The following PHF10 variants were observed in gnomAD, a reference collection of about 807,000 sequenced individuals.
PHF10 encodes the protein BRG1-associated factor 45a.
In PHF10, 51 loss-of-function variants were observed where a neutral mutation model predicts 68.5. The observed-to-expected ratio is 0.74, with a 90% CI of 0.59 to 0.94. The LOEUF (loss-of-function observed/expected upper bound fraction) is 0.94, where lower values mean the gene tolerates loss of function less well. PHF10 is among the 40% of genes least tolerant of loss of function. The pLI, the probability that PHF10 is intolerant of heterozygous loss-of-function variation, is 0.00. For synonymous variants in PHF10, 204 were observed against 203.5 expected (o/e 1.00, Z -0.02); for missense variants, 460 against 602.6 (o/e 0.76, Z 2.48).
At chr6:169,718,651 G>C (rs1349782910) in intron 3 of PHF10, 137 bp downstream of exon 3, 5 of 577,036 alleles carry the variant, frequency 8.7e-6, no homozygotes, top group Non-Finnish European at 1.5e-5. Flanking sequence ...CTGGGTTACA[G>C]AATGAGACCC....
intron 8 of PHF10, among the ~76,000 whole-genome samples, chr6:169,711,319 T>C (rs1423172060): frequency 2.0e-5 from 3 of 152,242 alleles, no homozygotes; most frequent in Non-Finnish European, 4.4e-5. Context: ...ATTTCTATCC[T>C]ATAAATGTAA....
intron 6 of PHF10, 94 bp downstream of exon 6, chr6:169,715,614 T>A: frequency 9.7e-7 from 1 of 1,031,286 alleles, no homozygotes; most frequent in South Asian, 1.4e-5. Flanking sequence ...CACACATAGG[T>A]GGTACAAAAA....
At position 169,705,292 on chromosome 6, in the gene PHF10, C is replaced by G; in HGVS notation, c.1252G>C (p.Glu418Gln). ...TAGGTCTTAATCATAGAAACAAGCTCCATTGTCATATCCAGGCAAGAAGGA... is the reference window on the plus strand; with the variant it reads ...TAGGTCTTAATCATAGAAACAAGCTGCATTGTCATATCCAGGCAAGAAGGA... ...GHPSCLDMTMELVSMIKTYPW... is the reference protein window; with the variant it reads ...GHPSCLDMTMQLVSMIKTYPW... The change falls in exon 11 of 12, where the codon GAG (glutamate) becomes CAG (glutamine). Residue 418 changes from glutamate (E) to glutamine (Q), a missense_variant. Physicochemically the swap from Glu to Gln is conservative, Grantham distance 29. This residue lies in a region of PHF10 where 111 missense variants were observed against 109.7 expected (regional missense o/e 1.01). Coordinates refer to ENST00000339209, the MANE Select transcript of PHF10 (RefSeq NM_018288.4). 1 of 1,612,344 alleles carries G rather than the reference C, an allele frequency of 6.2e-7. No individual in the cohort carries two copies. Among genetic ancestry groups the G allele is most frequent in the Non-Finnish European group, 8.5e-7 (1 of 1,179,130 alleles).
chr6:169,717,556 A>T (rs111297404), intron 4 of PHF10, among the ~76,000 whole-genome samples: 1 of 152,220 alleles, frequency 6.6e-6, no homozygotes, highest in African/African-American at 2.4e-5. Context: ...GGTTGTATAG[A>T]CACTTGAAGT....
At chr6:169,722,891 G>A (rs1411531323) in intron 1 of PHF10, among the ~76,000 whole-genome samples, 2 of 152,316 alleles carry the variant, frequency 1.3e-5, no homozygotes, top group Non-Finnish European at 2.9e-5. Context: ...TCCAGGTGCC[G>A]GGCCAGACGT....
In PHF10 at chr6:169,706,727, TACACACACACACACACACACAC is replaced by T. The variant is rs55829134; in HGVS notation, c.1114-1025_1114-1004del. On this transcript the variant is annotated intron_variant, in intron 9 of 11. Coordinates refer to ENST00000339209, the MANE Select transcript of PHF10 (RefSeq NM_018288.4). ...GGGTAAGGGGACATACATACATACA[TACACACACACACACACACACAC>T]ACACACACACACACACACACACACA... 4.8e-3 allele frequency among the ~76,000 whole-genome samples: 616 copies of T among 127,466 alleles called. 4 individuals carry two copies. Among genetic ancestry groups the T allele is most frequent in the South Asian group, 0.014 (53 of 3,752 alleles). The allele number at this position is 127,466 out of a possible 152,430, so 83.6% of individuals were successfully genotyped here.
At chr6:169,717,425 A>G (rs1789076404) in intron 4 of PHF10, among the ~76,000 whole-genome samples, 1 of 152,236 alleles carries the variant, frequency 6.6e-6, no homozygotes, top group Non-Finnish European at 1.5e-5. Flanking sequence ...TAACTTAAAC[A>G]TGCTCAGAAA....
At chr6:169,723,560 T>C (rs1789235867) in intron 1 of PHF10, among the ~76,000 whole-genome samples, 1 of 152,110 alleles carries the variant, frequency 6.6e-6, no homozygotes, top group African/African-American at 2.4e-5. Flanking sequence ...GTCCCACGGC[T>C]GGCCTAGGAG....
chr6:169,710,527 G>A (rs966695982), intron 8 of PHF10, 136 bp from the exon 9 acceptor site: 7 of 693,940 alleles, frequency 1.0e-5, no homozygotes, highest in South Asian at 3.5e-5. Flanking sequence ...CATTCTAAAT[G>A]TAAGAAAGCT....
intron 1 of PHF10, among the ~76,000 whole-genome samples, chr6:169,722,487 C>T (rs558415469): frequency 2.0e-4 from 31 of 152,194 alleles, no homozygotes; most frequent in African/African-American, 7.0e-4. Flanking sequence ...AGTTGAGACA[C>T]TCAAAAATAT....
chr6:169,715,243 G>C (rs1302583565), intron 6 of PHF10, among the ~76,000 whole-genome samples: 1 of 152,118 alleles, frequency 6.6e-6, no homozygotes, highest in East Asian at 1.9e-4. Flanking sequence ...GCTATTATTA[G>C]TCTCATTTAG....
chr6:169,712,986 C>T (rs1477454061), intron 7 of PHF10, among the ~76,000 whole-genome samples: 1 of 152,122 alleles, frequency 6.6e-6, no homozygotes, highest in Non-Finnish European at 1.5e-5. Flanking sequence ...CATATCACAC[C>T]AGTGCATGGT....
Position 169,723,892 on chromosome 6 carries a change from G to A in PHF10, c.40C>T (p.Arg14Trp). 9.2e-7 allele frequency: 1 copy of A among 1,085,042 alleles called. No individual in the cohort carries two copies. 67.2% of individuals were successfully genotyped at this position (1,085,042 alleles called of 1,614,324 possible). ...GTGGCTGGGTCGCTGTCGCACGGCC[G>A]CGGGGACAGCGCAGCCCCGGGCCCG... ...AAGPGAALSP[R>W]PCDSDPATPG... is the part of the protein sequence containing the mutation. The change falls in exon 1 of 12, where the codon CGG becomes TGG. Residue 14 changes from arginine (R) to tryptophan (W), a missense_variant. Transcript: ENST00000339209.
intron 2 of PHF10, among the ~76,000 whole-genome samples, chr6:169,719,704 A>G (rs1438441911): frequency 2.0e-5 from 3 of 152,202 alleles, no homozygotes; most frequent in East Asian, 1.9e-4. Context: ...CAACCTAAAT[A>G]TAAGAGCTAA....
chr6:169,704,085 C>T lies in PHF10; in HGVS notation c.1415G>A (p.Arg472His), dbSNP rs148902304. The T allele has an allele frequency of 3.6e-4, 570 of 1,573,258 alleles. No individual in the cohort carries two copies. The highest frequency in any genetic ancestry group is 3.2e-3 in the Middle Eastern group (19 of 5,934). Reference sequence around the variant, plus strand: ...CCGCTGACAACAGTCACAAATCCAGCGACCTAGGAAAAAAATTGTTAATAT... The same window carrying T: ...CCGCTGACAACAGTCACAAATCCAGTGACCTAGGAAAAAAATTGTTAATAT... ...CVGLGAIPSG[R>H]WICDCCQRAP... is the part of the protein sequence containing the mutation. The change falls in exon 12 of 12, where the codon CGC (arginine) becomes CAC (histidine). Residue 472 changes from arginine (R) to histidine (H), a missense_variant. Around this residue, in one of 3 missense-constraint regions of PHF10, gnomAD observed 111 missense variants for 109.7 expected, o/e 1.01. Coordinates refer to ENST00000339209, the MANE Select transcript of PHF10 (RefSeq NM_018288.4).
At chr6:169,715,257 T>C (rs997363166) in intron 6 of PHF10, among the ~76,000 whole-genome samples, 1 of 152,194 alleles carries the variant, frequency 6.6e-6, no homozygotes, top group Admixed American at 6.5e-5. Context: ...CATTTAGAAT[T>C]ATTAACCGTA....
At position 169,718,934 on chromosome 6, in the gene PHF10, C is replaced by T. The variant is rs1789115013; in HGVS notation, c.195-16G>A. The T allele has an allele frequency of 1.3e-6, 2 of 1,487,096 alleles. No individual in the cohort carries two copies. The highest frequency in any genetic ancestry group is 1.7e-5 in the Admixed American group (1 of 57,170). 92.1% of individuals were successfully genotyped at this position (1,487,096 alleles called of 1,614,324 possible). A position where few individuals can be genotyped will look rare whatever the true frequency, so the allele number is the denominator to read the frequency against. On this transcript the variant is annotated splice_polypyrimidine_tract_variant and intron_variant, in intron 2 of 11. Coordinates refer to ENST00000339209, the MANE Select transcript of PHF10 (RefSeq NM_018288.4). ...GTAACTAAAACTAAGTACAGAAATA[C>T]ATATTATGCATTAAATGTAGCTTTC... is the stretch of plus-strand genomic sequence containing the variant.
intron 2 of PHF10, among the ~76,000 whole-genome samples, chr6:169,720,064 T>C (rs1789141275): frequency 6.6e-6 from 1 of 151,954 alleles, no homozygotes; most frequent in African/African-American, 2.4e-5. Context: ...TGAAAAGATG[T>C]TCAATATCAG....
At position 169,708,950 on chromosome 6, in the gene PHF10, G is replaced by T. The variant is rs768713547; in HGVS notation, c.1113+1286C>A. The T allele has an allele frequency of 8.6e-5, 13 of 151,788 alleles. 1 individual carries two copies. The highest frequency in any genetic ancestry group is 6.2e-4 in the South Asian group (3 of 4,812). The allele number at this position is 151,788 out of a possible 1,614,324, so 9.4% of individuals were successfully genotyped here. On this transcript the variant is annotated intron_variant, in intron 9 of 11. Transcript: ENST00000339209. ...GTTATTAAGCATTAATTTATATAAA[G>T]AAATTACATAAGCTATATATGTAAA...
Sources: gnomAD v4.1 joint callset for allele counts (sites outside exome capture counted in the v4.1 genomes callset) on GRCh38, gnomAD v4.1.1 for gene constraint, gnomAD v4.1.1 regional missense constraint, MANE v1.5 for transcripts, NCBI Gene and HGNC (gene_info 2026-07-23, HGNC 2026-07-21) for gene names.